ERGIC1: variants seen among roughly 807,000 people sequenced by gnomAD.
The protein encoded by ERGIC1 is endoplasmic reticulum-golgi intermediate compartment 1, also known as endoplasmic reticulum-Golgi intermediate compartment protein 1.
ERGIC1 carries 19 observed loss-of-function variants against 38.3 expected under a neutral mutation model. The observed-to-expected ratio is 0.50, with a 90% CI of 0.35 to 0.73. The LOEUF (loss-of-function observed/expected upper bound fraction) is 0.73. Among genes scored for constraint, ERGIC1 ranks in the 30% least tolerant of loss-of-function variants. ERGIC1 has a pLI of 0.01. For missense variants in ERGIC1, 294 were observed against 389.2 expected (o/e 0.76, Z 2.06); for synonymous variants, 124 against 157.6 (o/e 0.79, Z 1.60).
chr5:172,909,444 G>A (rs1385377044), intron 3 of ERGIC1, among the ~76,000 whole-genome samples: 2 of 151,926 alleles, frequency 1.3e-5, no homozygotes, highest in African/African-American at 2.4e-5. Flanking sequence ...ACAGGCATGA[G>A]CCTCTGCGCC....
chr5:172,947,585 A>C (rs1764151602), intron 9 of ERGIC1, among the ~76,000 whole-genome samples: 1 of 152,206 alleles, frequency 6.6e-6, no homozygotes. Context: ...TGATGGGGGC[A>C]CGTTGAGCAA....
At position 172,926,651 on chromosome 5, in the gene ERGIC1, G is replaced by A. The variant is rs887928548; in HGVS notation, c.541+82G>A. ...GGGAGGGGGAGGGCAGAGAGGTGGG[G>A]GTGCCTGTCCAGCACCCACTCCAAG... On this transcript the variant is annotated intron_variant, in intron 7 of 9. Coordinates refer to ENST00000393784, the MANE Select transcript of ERGIC1 (RefSeq NM_001031711.3). The surrounding 1 kb of genome is among the most constrained non-coding windows in gnomAD (Gnocchi z 5.2). 40 of 1,511,786 alleles carry A rather than the reference G, an allele frequency of 2.6e-5. 1 individual carries two copies. The highest frequency in any genetic ancestry group is 3.4e-5 in the Non-Finnish European group (37 of 1,099,194). The allele number at this position is 1,511,786 out of a possible 1,614,324, so 93.6% of individuals were successfully genotyped here. A position where few individuals can be genotyped will look rare whatever the true frequency, so the allele number is the denominator to read the frequency against.
rs545619210 is a variant in ERGIC1, at chr5:172,932,868, C to A, written c.642+332C>A. On this transcript the variant is annotated intron_variant, in intron 8 of 9. Coordinates refer to ENST00000393784, the MANE Select transcript of ERGIC1 (RefSeq NM_001031711.3). Reference sequence around the variant, plus strand: ...CTGGTCCGAGTCCTTCAGACACAGACCCCTGGGTGCTCAACACAGACAGAC... The same window carrying A: ...CTGGTCCGAGTCCTTCAGACACAGAACCCTGGGTGCTCAACACAGACAGAC... The A allele has an allele frequency of 2.1e-5, 6 of 286,070 alleles. No individual in the cohort carries two copies. In the East Asian group the frequency reaches 3.2e-4, roughly 15 times the overall value. 17.7% of individuals were successfully genotyped at this position (286,070 alleles called of 1,614,324 possible). A position where few individuals can be genotyped will look rare whatever the true frequency, so the allele number is the denominator to read the frequency against.
intron 5 of ERGIC1, chr5:172,915,899 C>T (rs111606826): frequency 6.9e-6 from 2 of 288,450 alleles, no homozygotes; most frequent in Admixed American, 4.7e-5. Flanking sequence ...CTGGCCACAT[C>T]CAGCCCAAAG....
chr5:172,857,500 C>T (rs1044130241), intron 1 of ERGIC1, among the ~76,000 whole-genome samples: 2 of 152,166 alleles, frequency 1.3e-5, no homozygotes, highest in East Asian at 3.9e-4. Flanking sequence ...GCTCTGGCCC[C>T]ACCCTTTGCT....
chr5:172,913,300 A>G (rs1234626450), intron 4 of ERGIC1, among the ~76,000 whole-genome samples: 1 of 152,242 alleles, frequency 6.6e-6, no homozygotes, highest in Non-Finnish European at 1.5e-5. Context: ...TCCAGTTGCC[A>G]CTATTTCAGA....
chr5:172,850,215 C>T (rs942181806), intron 1 of ERGIC1, among the ~76,000 whole-genome samples: 5 of 152,200 alleles, frequency 3.3e-5, no homozygotes, highest in African/African-American at 4.8e-5. Flanking sequence ...AACTGGGTCA[C>T]ACTTGAAGCC....
intron 1 of ERGIC1, chr5:172,867,114 G>A (rs374445380): frequency 1.3e-4 from 57 of 448,002 alleles, no homozygotes; most frequent in African/African-American, 9.4e-4. Flanking sequence ...GCTTCAGGCT[G>A]TGGGGGCTCT....
At chr5:172,914,254 A>ATAAATAAAT (rs1554112478) in intron 4 of ERGIC1, among the ~76,000 whole-genome samples, 1 of 131,240 alleles carries the variant, frequency 7.6e-6, no homozygotes, top group African/African-American at 2.9e-5. Context: ...AAAAAAAAAA[A>ATAAATAAAT]AAATACAAAG....
chr5:172,908,182 A>G (rs930936905), intron 3 of ERGIC1, among the ~76,000 whole-genome samples: 8 of 150,230 alleles, frequency 5.3e-5, no homozygotes, highest in Non-Finnish European at 7.4e-5. Context: ...CGAGATGGGG[A>G]GAGGATCCTG....
intron 9 of ERGIC1, chr5:172,936,735 C>G (rs1763893731): frequency 6.6e-6 from 1 of 152,372 alleles, no homozygotes; most frequent in African/African-American, 2.4e-5. Context: ...CAGTGGCTCA[C>G]ACTTGTAGTC....
At chr5:172,840,036 C>T (rs925679567) in intron 1 of ERGIC1, among the ~76,000 whole-genome samples, 2 of 152,328 alleles carry the variant, frequency 1.3e-5, no homozygotes, top group Non-Finnish European at 2.9e-5. Context: ...CATTAAGAAG[C>T]TTAAAGCCAT....
At chr5:172,858,418 C>T (rs938729835) in intron 1 of ERGIC1, among the ~76,000 whole-genome samples, 5 of 152,172 alleles carry the variant, frequency 3.3e-5, no homozygotes, top group South Asian at 2.1e-4. Flanking sequence ...GGACCCATTC[C>T]GGGTCTCGGG....
intron 9 of ERGIC1, chr5:172,936,682 G>A (rs1763892402): frequency 6.6e-6 from 1 of 152,302 alleles, no homozygotes; most frequent in East Asian, 1.9e-4. Context: ...ATTGTGAAAG[G>A]AGAAGCTGTT....
chr5:172,835,334 G>A (rs1761008107), intron 1 of ERGIC1, among the ~76,000 whole-genome samples: 1 of 152,126 alleles, frequency 6.6e-6, no homozygotes, highest in Non-Finnish European at 1.5e-5. Context: ...AGAAGTTAGG[G>A]GCAAAGGCTC....
At chr5:172,902,114 C>A (rs1313696647) in intron 3 of ERGIC1, among the ~76,000 whole-genome samples, 1 of 152,222 alleles carries the variant, frequency 6.6e-6, no homozygotes, top group Non-Finnish European at 1.5e-5. Context: ...TTCCCTGGCC[C>A]CAGCATTTCA....
chr5:172,848,218 C>G (rs1225578316), intron 1 of ERGIC1, among the ~76,000 whole-genome samples: 9 of 152,102 alleles, frequency 5.9e-5, no homozygotes. Context: ...TGGAGGGATT[C>G]TGGGGGAAAA....
Position 172,834,427 on chromosome 5 carries a change from T to C in ERGIC1, c.14T>C (p.Phe5Ser). MPFD[F>S]RRFDIYRKVP... Reference sequence around the variant, plus strand: ...GGCGGCGGCACGATGCCCTTTGACTTCAGGAGGTGAGTGTGGCGACCCCGG... The same window carrying C: ...GGCGGCGGCACGATGCCCTTTGACTCCAGGAGGTGAGTGTGGCGACCCCGG... Residue 5 changes from phenylalanine (F) to serine (S), a missense_variant, in exon 1 of 10, where the codon TTC becomes TCC. Coordinates refer to ENST00000393784, the MANE Select transcript of ERGIC1 (RefSeq NM_001031711.3). The surrounding 1 kb of genome is among the most constrained non-coding windows in gnomAD (Gnocchi z 4.1). 1 of 1,338,180 alleles carries C rather than the reference T, an allele frequency of 7.5e-7. No individual in the cohort carries two copies. Among genetic ancestry groups the C allele is most frequent in the South Asian group, 1.9e-5 (1 of 52,378 alleles). The allele number at this position is 1,338,180 out of a possible 1,614,324, so 82.9% of individuals were successfully genotyped here.
At chr5:172,922,549 C>T (rs1763547079) in intron 5 of ERGIC1, 1 of 152,304 alleles carries the variant, frequency 6.6e-6, no homozygotes. Context: ...CCCTGAGGGT[C>T]CGAGGGAGGG....
Sources: gnomAD v4.1 joint callset for allele counts (sites outside exome capture counted in the v4.1 genomes callset) on GRCh38, gnomAD v4.1.1 for gene constraint, Gnocchi (gnomAD v3.1) non-coding constraint, MANE v1.5 for transcripts, NCBI Gene and HGNC (gene_info 2026-07-23, HGNC 2026-07-21) for gene names.